Variants in RALGAPA2 observed in about 807,000 individuals in gnomAD.
RALGAPA2 encodes the protein Ral GTPase activating protein catalytic subunit alpha 2.
In RALGAPA2, 139 loss-of-function variants were observed where a neutral mutation model predicts 230.4. That is an observed-to-expected ratio of 0.60 (90% CI 0.53 to 0.69). The LOEUF is 0.69. RALGAPA2 is among the 30% of genes least tolerant of loss of function. The pLI is 0.00. For missense variants in RALGAPA2, 2,163 were observed against 2,276.0 expected (o/e 0.95, Z 1.01); for synonymous variants, 847 against 837.8 (o/e 1.01, Z -0.19).
At chr20:20,600,324 G>C (rs576940318) in intron 16 of RALGAPA2, among the ~76,000 whole-genome samples, 1 of 152,216 alleles carries the variant, frequency 6.6e-6, no homozygotes, top group East Asian at 1.9e-4. Flanking sequence ...AGAATCCAAT[G>C]ATAAAAGCAA....
chr20:20,467,527 C>G (rs1035324409), intron 37 of RALGAPA2, among the ~76,000 whole-genome samples: 1 of 152,138 alleles, frequency 6.6e-6, no homozygotes, highest in African/African-American at 2.4e-5. Flanking sequence ...GCCAGATACA[C>G]GTGGCCCTGC....
At position 20,538,552 on chromosome 20, in the gene RALGAPA2, T is replaced by C. The variant is rs186127648; in HGVS notation, c.3286-1768A>G. 3.4e-3 allele frequency among the ~76,000 whole-genome samples: 516 copies of C among 152,342 alleles called. 2 individuals carry two copies. The highest frequency in any genetic ancestry group is 0.012 in the African/African-American group (497 of 41,580). ...CACAATTAAACAAAAGCCTTTAACA[T>C]GTTATTGTACACTGTGAATTTCCAA... is the stretch of plus-strand genomic sequence containing the variant. On this transcript the variant is annotated intron_variant, in intron 24 of 39. Transcript: ENST00000202677.
chr20:20,593,688 T>C (rs1568623059), intron 16 of RALGAPA2, among the ~76,000 whole-genome samples: 1 of 152,252 alleles, frequency 6.6e-6, no homozygotes, highest in East Asian at 1.9e-4. Context: ...AGTTAGTCTC[T>C]GAAGCCTGAT....
intron 37 of RALGAPA2, among the ~76,000 whole-genome samples, chr20:20,442,333 C>T (rs546883824): frequency 2.0e-5 from 3 of 152,232 alleles, no homozygotes; most frequent in African/African-American, 7.2e-5. Context: ...GAATGTTCTA[C>T]ACTTTCAGAT....
At chr20:20,620,410 A>T in intron 11 of RALGAPA2, 53 bp downstream of exon 11, 2 of 1,565,356 alleles carry the variant, frequency 1.3e-6, no homozygotes, top group Non-Finnish European at 1.7e-6. Context: ...GAGCAAGTAT[A>T]CTTTACTAAA....
At chr20:20,693,309 TATC>T (rs2068984236) in intron 1 of RALGAPA2, among the ~76,000 whole-genome samples, 1 of 152,226 alleles carries the variant, frequency 6.6e-6, no homozygotes, top group Non-Finnish European at 1.5e-5. Flanking sequence ...TTTTAACAGA[TATC>T]AAATACCAAT....
intron 22 of RALGAPA2, 64 bp from the exon 23 acceptor site, chr20:20,571,677 T>A: frequency 6.5e-7 from 1 of 1,544,966 alleles, no homozygotes. Flanking sequence ...CAACATTTCA[T>A]TTACTTCTCA....
intron 37 of RALGAPA2, among the ~76,000 whole-genome samples, chr20:20,465,671 T>C (rs1408503935): frequency 2.0e-5 from 3 of 152,090 alleles, no homozygotes; most frequent in African/African-American, 4.8e-5. Flanking sequence ...ATAGCAAAAA[T>C]AGCAGAGTGT....
intron 37 of RALGAPA2, among the ~76,000 whole-genome samples, chr20:20,470,337 C>A (rs1410637947): frequency 6.6e-6 from 1 of 152,154 alleles, no homozygotes; most frequent in African/African-American, 2.4e-5. Context: ...AACTAAAGCC[C>A]AACTGACACG....
intron 37 of RALGAPA2, among the ~76,000 whole-genome samples, chr20:20,458,833 T>C (rs1445692852): frequency 7.4e-6 from 1 of 134,712 alleles, no homozygotes; most frequent in Non-Finnish European, 1.6e-5. Context: ...TATATATATA[T>C]ATAGACCTAT....
At chr20:20,528,918 C>T (rs1222849746) in intron 27 of RALGAPA2, among the ~76,000 whole-genome samples, 1 of 152,210 alleles carries the variant, frequency 6.6e-6, no homozygotes, top group East Asian at 1.9e-4. Context: ...TCCATCTCTC[C>T]CTCCTGGCAG....
At chr20:20,571,341 A>G (rs2064626985) in intron 23 of RALGAPA2, 117 bp downstream of exon 23, 4 of 1,179,922 alleles carry the variant, frequency 3.4e-6, no homozygotes, top group Non-Finnish European at 4.6e-6. Flanking sequence ...AAAAGAGTTG[A>G]AACTACTGAG....
At chr20:20,450,898 C>G (rs2060973719) in intron 37 of RALGAPA2, among the ~76,000 whole-genome samples, 1 of 152,212 alleles carries the variant, frequency 6.6e-6, no homozygotes, top group Non-Finnish European at 1.5e-5. Flanking sequence ...AGTGTCTCCA[C>G]TTCTGTCCTT....
intron 31 of RALGAPA2, among the ~76,000 whole-genome samples, chr20:20,519,573 C>T (rs1157491521): frequency 1.3e-5 from 2 of 152,250 alleles, no homozygotes; most frequent in Non-Finnish European, 2.9e-5. Flanking sequence ...TACCACCAAA[C>T]ACCTAGTTGG....
In RALGAPA2 at chr20:20,629,547, T is replaced by A. The variant is rs1455007746; in HGVS notation, c.1049A>T (p.Asp350Val). Residue 350 changes from aspartate to valine, a missense_variant, in exon 10 of 40, where the codon GAT (aspartate) becomes GTT (valine). Transcript: ENST00000202677. ...GTCCTGCTCCGTGGGCCCACCACCA[T>A]CCAGCTCAGGCGCTCTCTCCTGCAC... Reference protein sequence around the residue: ...GAVQERAPELDGGGPTEQDKS... With the variant: ...GAVQERAPELVGGGPTEQDKS... 6.2e-7 allele frequency: 1 copy of A among 1,613,800 alleles called. No individual in the cohort carries two copies. Among genetic ancestry groups the A allele is most frequent in the South Asian group, 1.1e-5 (1 of 91,064 alleles).
At chr20:20,678,149 C>T (rs764347013) in intron 2 of RALGAPA2, among the ~76,000 whole-genome samples, 5 of 152,144 alleles carry the variant, frequency 3.3e-5, no homozygotes, top group South Asian at 4.1e-4. Context: ...CCAATAACTC[C>T]GGAGTTTTGG....
chr20:20,393,697 G>A (rs2059645428), intron 39 of RALGAPA2, among the ~76,000 whole-genome samples: 1 of 152,190 alleles, frequency 6.6e-6, no homozygotes, highest in Non-Finnish European at 1.5e-5. Flanking sequence ...TCTACACAAT[G>A]AGTTACAACT....
At chr20:20,468,975 G>GTC (rs1166090673) in intron 37 of RALGAPA2, among the ~76,000 whole-genome samples, 1 of 151,946 alleles carries the variant, frequency 6.6e-6, no homozygotes, top group African/African-American at 2.4e-5. Context: ...GTGTGTGTGT[G>GTC]TGTGTGTGTG....
chr20:20,414,011 C>T (rs1448870123), intron 37 of RALGAPA2, among the ~76,000 whole-genome samples: 1 of 152,270 alleles, frequency 6.6e-6, no homozygotes, highest in African/African-American at 2.4e-5. Context: ...CTCGGCCCTC[C>T]GTGCATGGCC....
Sources: gnomAD v4.1 joint callset for allele counts (sites outside exome capture counted in the v4.1 genomes callset) on GRCh38, gnomAD v4.1.1 for gene constraint, MANE v1.5 for transcripts, NCBI Gene and HGNC (gene_info 2026-07-23, HGNC 2026-07-21) for gene names.